PUM3: variants seen among roughly 807,000 people sequenced by gnomAD.
PUM3 encodes the protein pumilio RNA binding family member 3.
In PUM3, 91 loss-of-function variants were observed where a neutral mutation model predicts 84.0. That is an observed-to-expected ratio of 1.08 (90% CI 0.91 to 1.29). PUM3 has a LOEUF of 1.29. Ranked by LOEUF, PUM3 falls within the 50% of genes most tolerant of loss-of-function variation. The pLI is 0.00. For missense variants in PUM3, 1,067 were observed against 767.5 expected (o/e 1.39, Z -4.61); for synonymous variants, 321 against 266.7 (o/e 1.20, Z -1.98).
intron 9 of PUM3, 38 bp from the exon 10 acceptor site, chr9:2,827,189 T>A (rs1815846137): frequency 6.9e-7 from 1 of 1,448,948 alleles, no homozygotes; most frequent in Non-Finnish European, 9.6e-7. Flanking sequence ...ACACAACAGA[T>A]CTGGCACTAC....
At chr9:2,806,283 TCTGA>T (rs1177470629) in intron 17 of PUM3, among the ~76,000 whole-genome samples, 2 of 152,216 alleles carry the variant, frequency 1.3e-5, no homozygotes, top group Non-Finnish European at 2.9e-5. Flanking sequence ...GCTAACGAAT[TCTGA>T]CTGTTTAACA....
At chr9:2,811,104 C>T (rs531227794) in intron 15 of PUM3, among the ~76,000 whole-genome samples, 1 of 152,318 alleles carries the variant, frequency 6.6e-6, no homozygotes, top group South Asian at 2.1e-4. Flanking sequence ...GTCAGAAGCA[C>T]CTTGGGCACT....
intron 16 of PUM3, among the ~76,000 whole-genome samples, chr9:2,808,156 T>C (rs576874498): frequency 7.5e-4 from 115 of 152,358 alleles, no homozygotes; most frequent in Non-Finnish European, 1.5e-3. Context: ...AGATAAACTA[T>C]GAATTCTAAT....
At chr9:2,835,479 A>G (rs949815095) in intron 3 of PUM3, among the ~76,000 whole-genome samples, 2 of 152,202 alleles carry the variant, frequency 1.3e-5, no homozygotes, top group African/African-American at 4.8e-5. Context: ...TGCTCATGAA[A>G]TTAACATTCC....
chr9:2,828,438 TA>T, intron 9 of PUM3: 1 of 409,876 alleles, frequency 2.4e-6, no homozygotes, highest in South Asian at 3.4e-5. Context: ...TTTCATTGCT[TA>T]AAAAAGCTCA....
At chr9:2,823,605 A>C (rs1256634785) in intron 12 of PUM3, among the ~76,000 whole-genome samples, 176 bp downstream of exon 12, 1 of 152,200 alleles carries the variant, frequency 6.6e-6, no homozygotes, top group African/African-American at 2.4e-5. Flanking sequence ...TGCATGTGAC[A>C]TGATTTCCAT....
rs1031681123 is a variant in PUM3 at position 2,839,579 on chromosome 9, T to C, written c.-10-1062A>G. Among the ~76,000 whole-genome samples the C allele has an allele frequency of 2.6e-5, 4 of 152,236 alleles. No homozygotes were observed. The South Asian group carries it at 6.2e-4, about 24-fold the overall frequency. On this transcript the variant is annotated intron_variant, in intron 1 of 17. Transcript: ENST00000397885. ...TTTCCAACTCCAGTTGAACCACTTTTTCCTGGAACATCATAAGGGAACAGC... is the reference window on the plus strand; with the variant it reads ...TTTCCAACTCCAGTTGAACCACTTTCTCCTGGAACATCATAAGGGAACAGC...
Position 2,833,422 on chromosome 9 carries a change from C to T in PUM3, c.451G>A (p.Asp151Asn), listed in dbSNP as rs1305828522. 3 of 1,573,420 alleles carry T rather than the reference C, an allele frequency of 1.9e-6. No individual in the cohort carries two copies. Among genetic ancestry groups the T allele is most frequent in the Non-Finnish European group, 2.6e-6 (3 of 1,147,776 alleles). The part of the protein sequence containing the change: ...MWEILRRKDC[D>N]KEKRVKLMSD... ...ATTAACTTTACTCTTTTTTCTTTGT[C>T]ACAGTCTTTTCTACAAATGAGGAGA... Residue 151 changes from aspartate to asparagine, a missense_variant, in exon 5 of 18, where the codon GAC becomes AAC. Transcript: ENST00000397885.
intron 10 of PUM3, among the ~76,000 whole-genome samples, chr9:2,826,540 TATG>T (rs1385363817): frequency 4.6e-5 from 7 of 152,222 alleles, no homozygotes; most frequent in African/African-American, 1.7e-4. Context: ...GAGCTCACTG[TATG>T]ATGAGGCAAG....
At chr9:2,832,967 A>C (rs1417475353) in intron 5 of PUM3, among the ~76,000 whole-genome samples, 1 of 152,206 alleles carries the variant, frequency 6.6e-6, no homozygotes, top group Non-Finnish European at 1.5e-5. Context: ...AAAAGCATGG[A>C]GGAAAAGAAT....
intron 5 of PUM3, among the ~76,000 whole-genome samples, chr9:2,833,091 C>G (rs778001068): frequency 1.2e-4 from 18 of 152,092 alleles, no homozygotes; most frequent in African/African-American, 4.3e-4. Context: ...ATAAACTTCT[C>G]AAGATAACTT....
chr9:2,817,094 C>T (rs1821485470), intron 13 of PUM3, among the ~76,000 whole-genome samples: 1 of 152,184 alleles, frequency 6.6e-6, no homozygotes, highest in South Asian at 2.1e-4. Context: ...CTTAGAGAAA[C>T]TTAACATGTA....
chr9:2,835,306 T>A lies in PUM3; in HGVS notation c.305-1140A>T, dbSNP rs192210256. 2.0e-5 allele frequency among the ~76,000 whole-genome samples: 3 copies of A among 152,226 alleles called. No homozygotes were observed. The East Asian group carries it at 5.8e-4, about 29-fold the overall frequency. ...GGTGGTACATGCCTGCAGTCCCAGC[T>A]ACTTGGGAGGCTGAGGCAGGAGGAT... On this transcript the variant is annotated intron_variant, in intron 3 of 17. Transcript: ENST00000397885.
At chr9:2,828,436 C>T (rs1212574414) in intron 9 of PUM3, 1 of 400,156 alleles carries the variant, frequency 2.5e-6, no homozygotes, top group African/African-American at 2.1e-5. Flanking sequence ...TGTTTCATTG[C>T]TTAAAAAAGC....
At chr9:2,821,421 G>T (rs1168560146) in intron 12 of PUM3, among the ~76,000 whole-genome samples, 1 of 108,548 alleles carries the variant, frequency 9.2e-6, no homozygotes, top group Non-Finnish European at 1.8e-5. Flanking sequence ...TCCAGCCTGG[G>T]CGACAGAGCA....
At chr9:2,827,178 G>T (rs1264205757) in intron 9 of PUM3, 27 bp from the exon 10 acceptor site, 2 of 1,539,660 alleles carry the variant, frequency 1.3e-6, no homozygotes, top group East Asian at 4.5e-5. Flanking sequence ...AAAGCAAAAA[G>T]ACACAACAGA....
intron 17 of PUM3, among the ~76,000 whole-genome samples, chr9:2,804,758 C>T (rs1485944863): frequency 6.6e-6 from 1 of 152,210 alleles, no homozygotes; most frequent in Non-Finnish European, 1.5e-5. Flanking sequence ...TTACTTACAT[C>T]CTGTCTTAAA....
chr9:2,811,562 G>A lies in PUM3; in HGVS notation c.1434C>T (p.Arg478=), dbSNP rs937020074. The change falls in exon 15 of 18, where the codon CGC becomes CGT. Residue 478 remains arginine (R), a synonymous_variant. Coordinates refer to ENST00000397885, the MANE Select transcript of PUM3 (RefSeq NM_014878.5). The part of the protein sequence containing the change: ...NAHSKKDTEV[R]RRELLESISP... ...AAATGGATTCTAGGAGCTCCCGTCT[G>A]CGGACCTCTGTATCTTTCTTACTGT... 3.7e-6 allele frequency: 6 copies of A among 1,613,808 alleles called. No individual in the cohort carries two copies. Among genetic ancestry groups the A allele is most frequent in the African/African-American group, 2.7e-5 (2 of 74,916 alleles).
chr9:2,808,021 G>A, intron 16 of PUM3, 117 bp from the exon 17 acceptor site: 1 of 649,292 alleles, frequency 1.5e-6, no homozygotes, highest in Non-Finnish European at 2.6e-6. Flanking sequence ...AACAAAAGTA[G>A]CTTTCACCCA....
Sources: gnomAD v4.1 joint callset for allele counts (sites outside exome capture counted in the v4.1 genomes callset) on GRCh38, gnomAD v4.1.1 for gene constraint, MANE v1.5 for transcripts, NCBI Gene and HGNC (gene_info 2026-07-23, HGNC 2026-07-21) for gene names.